Variants in PRR16 observed in about 807,000 individuals in gnomAD.
PRR16 encodes proline rich 16.
PRR16 carries 6 observed loss-of-function variants against 18.2 expected under a neutral mutation model. That is an observed-to-expected ratio of 0.33 (90% CI 0.18 to 0.65). The LOEUF is 0.65. Among genes scored for constraint, PRR16 ranks in the 30% least tolerant of loss-of-function variants. The pLI is 0.74. For synonymous variants in PRR16, 151 were observed against 147.8 expected (o/e 1.02, Z -0.16); for missense variants, 412 against 376.6 (o/e 1.09, Z -0.78).
the PRR16 span, among the ~76,000 whole-genome samples, chr5:120,784,946 C>T: frequency 1.3e-5 from 2 of 152,244 alleles, no homozygotes; most frequent in South Asian, 2.1e-4. Context: ...TAACTAGTTG[C>T]AGGTGCTACA....
chr5:120,487,077 G>T (rs1343430086), intron 1 of PRR16, among the ~76,000 whole-genome samples: 1 of 152,180 alleles, frequency 6.6e-6, no homozygotes, highest in Non-Finnish European at 1.5e-5. Flanking sequence ...AAGTCAGGTA[G>T]CGTGATGCCT....
intron 1 of PRR16, among the ~76,000 whole-genome samples, chr5:120,621,525 C>T (rs533046124): frequency 1.1e-4 from 16 of 152,206 alleles, no homozygotes; most frequent in African/African-American, 3.9e-4. Flanking sequence ...TAAAATTAGG[C>T]TTTGCATCCC....
chr5:120,635,000 A>G (rs1051929382), intron 1 of PRR16, among the ~76,000 whole-genome samples: 4 of 152,172 alleles, frequency 2.6e-5, no homozygotes, highest in African/African-American at 7.2e-5. Context: ...TTACATACAT[A>G]AACTAGAAAA....
At chr5:120,775,059 C>A in the PRR16 span, among the ~76,000 whole-genome samples, 1 of 152,128 alleles carries the variant, frequency 6.6e-6, no homozygotes, top group Non-Finnish European at 1.5e-5. Flanking sequence ...ATGACACTTA[C>A]TAAAATAAAG....
At position 120,678,706 on chromosome 5, in the gene PRR16, T is replaced by C. The variant is rs550748888; in HGVS notation, c.160-7248T>C. Among the ~76,000 whole-genome samples the C allele has an allele frequency of 7.7e-4, 117 of 152,332 alleles. 1 individual carries two copies. Among genetic ancestry groups the C allele is most frequent in the African/African-American group, 2.5e-3 (104 of 41,572 alleles). ...TTTTCGTGGAGTTTCTAGTCTTTTC[T>C]AAATATAAGATCATATCATCTGCAA... On this transcript the variant is annotated intron_variant, in intron 1 of 1. Coordinates refer to ENST00000407149, the MANE Select transcript of PRR16 (RefSeq NM_001300783.2).
intron 1 of PRR16, among the ~76,000 whole-genome samples, chr5:120,606,332 T>C (rs1754152735): frequency 6.6e-6 from 1 of 152,204 alleles, no homozygotes; most frequent in Admixed American, 6.5e-5. Context: ...TATGGCTTTT[T>C]GACTATTTGA....
Position 120,656,467 on chromosome 5 carries a change from CAA to C in PRR16, c.160-29467_160-29466del, listed in dbSNP as rs34228222. On this transcript the variant is annotated intron_variant, in intron 1 of 1. Transcript: ENST00000407149. ...CCATTCTAACAGTAGTAATCACTCT[CAA>C]AAAAAAAAAAAAAAAAAAATTACTA... Among the ~76,000 whole-genome samples, 506 of 93,466 alleles carry C rather than the reference CAA, an allele frequency of 5.4e-3. 4 individuals are homozygous for C. Among genetic ancestry groups the C allele is most frequent in the African/African-American group, 0.017 (407 of 24,560 alleles). 61.3% of individuals were successfully genotyped at this position (93,466 alleles called of 152,430 possible).
At chr5:120,582,244 G>A (rs1308301678) in intron 1 of PRR16, among the ~76,000 whole-genome samples, 1 of 152,106 alleles carries the variant, frequency 6.6e-6, no homozygotes, top group African/African-American at 2.4e-5. Flanking sequence ...ATAAGTGGGA[G>A]CTAAAGAATG....
intron 1 of PRR16, among the ~76,000 whole-genome samples, chr5:120,497,433 T>G (rs1446088815): frequency 1.5e-5 from 2 of 135,610 alleles, no homozygotes; most frequent in African/African-American, 2.9e-5. Flanking sequence ...CGCTATCACC[T>G]GAGCTGGAGT....
the PRR16 span, among the ~76,000 whole-genome samples, chr5:120,757,244 G>A: frequency 6.6e-6 from 1 of 152,068 alleles, no homozygotes; most frequent in Non-Finnish European, 1.5e-5. Flanking sequence ...TTGAAGTTGG[G>A]TAACATGATG....
intron 1 of PRR16, among the ~76,000 whole-genome samples, chr5:120,559,594 G>A (rs1477937548): frequency 6.6e-6 from 1 of 151,416 alleles, no homozygotes; most frequent in Non-Finnish European, 1.5e-5. Flanking sequence ...AATGTTTTTG[G>A]TAATTGTTTT....
At chr5:120,471,118 G>T (rs1001429521) in intron 1 of PRR16, among the ~76,000 whole-genome samples, 24 of 152,052 alleles carry the variant, frequency 1.6e-4, no homozygotes, top group African/African-American at 5.6e-4. Flanking sequence ...TATCTTCATG[G>T]TAACAGTCAT....
chr5:120,637,365 C>G (rs181766324), intron 1 of PRR16, among the ~76,000 whole-genome samples: 1 of 132,824 alleles, frequency 7.5e-6, no homozygotes, highest in African/African-American at 2.8e-5. Context: ...ATGTTTATAG[C>G]AGCAAAATTT....
chr5:120,785,637 A>G, the PRR16 span, among the ~76,000 whole-genome samples: 2 of 136,294 alleles, frequency 1.5e-5, no homozygotes, highest in Admixed American at 8.0e-5. Context: ...CAGTGGCGCG[A>G]TCTCAGCTCA....
the PRR16 span, chr5:120,710,828 T>C: frequency 1.3e-5 from 2 of 152,200 alleles, no homozygotes; most frequent in East Asian, 3.9e-4. Context: ...TAATACTGCC[T>C]CTTTGTGAAG....
At chr5:120,666,692 C>A (rs1370159918) in intron 1 of PRR16, among the ~76,000 whole-genome samples, 2 of 148,388 alleles carry the variant, frequency 1.3e-5, no homozygotes, top group African/African-American at 2.5e-5. Flanking sequence ...TTGTCAAAGG[C>A]CTTTTCTGCA....
At chr5:120,477,205 G>A (rs771208473) in intron 1 of PRR16, among the ~76,000 whole-genome samples, 4 of 151,942 alleles carry the variant, frequency 2.6e-5, no homozygotes, top group Admixed American at 1.3e-4. Context: ...TCCCAAATTT[G>A]TATCTCCAAC....
At chr5:120,591,568 T>G (rs1753637169) in intron 1 of PRR16, among the ~76,000 whole-genome samples, 1 of 151,954 alleles carries the variant, frequency 6.6e-6, no homozygotes, top group Non-Finnish European at 1.5e-5. Flanking sequence ...AAATAGATTT[T>G]ATTAATTTAT....
At chr5:120,748,841 C>G in the PRR16 span, among the ~76,000 whole-genome samples, 11 of 152,048 alleles carry the variant, frequency 7.2e-5, no homozygotes, top group Admixed American at 5.9e-4. Flanking sequence ...ACTATGAGAG[C>G]GTGCAGCAAT....
Sources: allele counts gnomAD v4.1 joint callset (sites outside exome capture counted in the v4.1 genomes callset), GRCh38; gene constraint gnomAD v4.1.1; transcripts MANE v1.5; gene names NCBI Gene and HGNC (gene_info 2026-07-23, HGNC 2026-07-21).